ANO2: variants seen among roughly 807,000 people sequenced by gnomAD.
ANO2 encodes anoctamin 2, also known as anoctamin-2.
ANO2 carries 101 observed loss-of-function variants against 124.2 expected under a neutral mutation model. The ratio of observed to expected loss-of-function variants is 0.81; its 90% CI spans 0.69 to 0.96. ANO2 has a LOEUF of 0.96. ANO2 is among the 40% of genes least tolerant of loss of function. The pLI, the probability that ANO2 is intolerant of heterozygous loss-of-function variation, is 0.00. For synonymous variants in ANO2, 486 were observed against 482.5 expected, an observed-to-expected ratio of 1.01 and a Z score of -0.09; for missense variants, 1,293 against 1,274.5, an observed-to-expected ratio of 1.01 and a Z score of -0.22.
intron 10 of ANO2, among the ~76,000 whole-genome samples, chr12:5,756,715 A>G (rs1951593470): frequency 6.6e-6 from 1 of 151,854 alleles, no homozygotes; most frequent in African/African-American, 2.4e-5. Flanking sequence ...AAGGTCCACT[A>G]GAGGACTGGG....
chr12:5,875,515 C>T (rs1938033137), intron 3 of ANO2, among the ~76,000 whole-genome samples: 1 of 152,228 alleles, frequency 6.6e-6, no homozygotes, highest in Admixed American at 6.5e-5. Flanking sequence ...CGACTGATGG[C>T]CCTCCAAGGA....
intron 20 of ANO2, among the ~76,000 whole-genome samples, chr12:5,590,695 A>G (rs1028395573): frequency 6.6e-6 from 1 of 152,178 alleles, no homozygotes; most frequent in African/African-American, 2.4e-5. Context: ...GCGATCTTCG[A>G]GCACACCTCT....
intron 23 of ANO2, among the ~76,000 whole-genome samples, chr12:5,569,387 C>G (rs953046449): frequency 5.9e-5 from 9 of 152,288 alleles, no homozygotes; most frequent in African/African-American, 1.7e-4. Flanking sequence ...AGTTTTATCC[C>G]CAGCATATTA....
intron 6 of ANO2, among the ~76,000 whole-genome samples, chr12:5,829,233 T>A (rs537145871): frequency 1.3e-5 from 2 of 152,320 alleles, no homozygotes; most frequent in South Asian, 4.1e-4. Flanking sequence ...TTTGCAATTA[T>A]CGAGTAATCT....
intron 7 of ANO2, among the ~76,000 whole-genome samples, chr12:5,816,392 T>G (rs761055017): frequency 6.6e-6 from 1 of 152,170 alleles, no homozygotes; most frequent in Non-Finnish European, 1.5e-5. Flanking sequence ...TTGGTCTTCA[T>G]GGGCAGAAGT....
At chr12:5,933,814 C>A (rs967961701) in intron 1 of ANO2, among the ~76,000 whole-genome samples, 17 of 152,300 alleles carry the variant, frequency 1.1e-4, no homozygotes, top group Middle Eastern at 3.4e-3. Flanking sequence ...GGCATGTCCT[C>A]TCCACTAAGC....
intron 10 of ANO2, among the ~76,000 whole-genome samples, chr12:5,768,237 G>A (rs1951957795): frequency 6.6e-6 from 1 of 152,106 alleles, no homozygotes; most frequent in South Asian, 2.1e-4. Flanking sequence ...CACCCCAAGG[G>A]CAAGAATAAT....
upstream of ANO2, chr12:5,945,367 G>C (rs1283787392): frequency 1.2e-6 from 1 of 804,068 alleles, no homozygotes; most frequent in African/African-American, 1.9e-5. Context: ...CCTCCCGGCC[G>C]CCGGCGCCGC....
intron 16 of ANO2, among the ~76,000 whole-genome samples, chr12:5,618,536 A>G (rs929837069): frequency 6.6e-6 from 1 of 152,204 alleles, no homozygotes; most frequent in African/African-American, 2.4e-5. Context: ...CACACAGCAG[A>G]TAAGTGACAG....
intron 1 of ANO2, among the ~76,000 whole-genome samples, chr12:5,938,578 T>C (rs1942755944): frequency 6.6e-6 from 1 of 152,110 alleles, no homozygotes; most frequent in Non-Finnish European, 1.5e-5. Flanking sequence ...CCCAGCACTT[T>C]GGGAGATCGA....
At chr12:5,591,278 C>G (rs1186368371) in intron 20 of ANO2, among the ~76,000 whole-genome samples, 1 of 152,116 alleles carries the variant, frequency 6.6e-6, no homozygotes, top group Non-Finnish European at 1.5e-5. Flanking sequence ...GCTTACATAC[C>G]CTGCTTCTTA....
chr12:5,604,121 T>C (rs928570179), intron 19 of ANO2, among the ~76,000 whole-genome samples: 16 of 152,010 alleles, frequency 1.1e-4, no homozygotes, highest in African/African-American at 2.4e-4. Context: ...ATTTGAGACA[T>C]GCATAAGAGG....
intron 20 of ANO2, among the ~76,000 whole-genome samples, chr12:5,594,251 C>T (rs557878170): frequency 6.6e-6 from 1 of 152,296 alleles, no homozygotes; most frequent in Admixed American, 6.5e-5. Context: ...GGTCTCCAGA[C>T]TTGCTCCTCC....
intron 14 of ANO2, among the ~76,000 whole-genome samples, chr12:5,666,266 G>C (rs762413561): frequency 3.3e-5 from 5 of 152,216 alleles, no homozygotes; most frequent in Admixed American, 6.5e-5. Context: ...CAGAAATGAA[G>C]AGAGTCTTTC....
intron 3 of ANO2, among the ~76,000 whole-genome samples, chr12:5,902,647 A>G (rs1465350248): frequency 0.024 from 9 of 382 alleles, no homozygotes; most frequent in African/African-American, 0.027. Flanking sequence ...GGGAGGGAAG[A>G]GGAAGGGAAG....
chr12:5,795,276 G>A (rs11614134), intron 10 of ANO2, among the ~76,000 whole-genome samples: 5,420 of 152,294 alleles, frequency 0.036, 111 homozygotes, highest in African/African-American at 0.049. Context: ...TCAGATCCTC[G>A]TGGAAGCTGT....
chr12:5,916,106 G>A (rs1156778659), intron 3 of ANO2, among the ~76,000 whole-genome samples: 5 of 151,866 alleles, frequency 3.3e-5, no homozygotes, highest in East Asian at 1.9e-4. Flanking sequence ...GTGAAGCCCC[G>A]TCTCTACAAA....
intron 3 of ANO2, among the ~76,000 whole-genome samples, chr12:5,873,986 T>C (rs1937919543): frequency 6.6e-6 from 1 of 152,196 alleles, no homozygotes; most frequent in Non-Finnish European, 1.5e-5. Flanking sequence ...ATCTGCATAC[T>C]TGGGCAGACC....
intron 3 of ANO2, among the ~76,000 whole-genome samples, chr12:5,909,968 C>A (rs1301703189): frequency 6.6e-6 from 1 of 152,106 alleles, no homozygotes. Flanking sequence ...TTATCCGAGG[C>A]AACAAGGAGA....
Sources: allele counts gnomAD v4.1 joint callset (sites outside exome capture counted in the v4.1 genomes callset), GRCh38; gene constraint gnomAD v4.1.1; transcripts MANE v1.5; gene names NCBI Gene and HGNC (gene_info 2026-07-23, HGNC 2026-07-21).